The following MECOM variants were observed in gnomAD, a reference collection of about 807,000 sequenced individuals.
MECOM encodes the protein MDS1 and EVI1 complex locus.
In MECOM, 13 loss-of-function variants were observed where a neutral mutation model predicts 116.3. That is an observed-to-expected ratio of 0.11 (90% CI 0.07 to 0.18). The LOEUF is 0.18. Ranked by LOEUF, MECOM falls within the 10% of genes least tolerant of loss-of-function variation. The pLI, the probability that MECOM is intolerant of heterozygous loss-of-function variation, is 1.00. For synonymous variants in MECOM, 528 were observed against 535.2 expected (o/e 0.99, Z 0.19); for missense variants, 1,299 against 1,509.0 (o/e 0.86, Z 2.31).
intron 7 of MECOM, 118 bp downstream of exon 7, chr3:169,120,938 A>G (rs1337242543): frequency 9.8e-6 from 10 of 1,022,396 alleles, no homozygotes; most frequent in African/African-American, 1.6e-5. Context: ...ACTGGATTGG[A>G]CCATAAATAG....
chr3:169,597,818 A>C (rs568590257), intron 1 of MECOM, among the ~76,000 whole-genome samples: 1 of 152,302 alleles, frequency 6.6e-6, no homozygotes, highest in African/African-American at 2.4e-5. Flanking sequence ...CCTGTCCCAG[A>C]ATAATGAAAT....
chr3:169,275,024 A>C (rs1253300694), intron 2 of MECOM, among the ~76,000 whole-genome samples: 1 of 152,256 alleles, frequency 6.6e-6, no homozygotes, highest in East Asian at 1.9e-4. Context: ...AATCTCTTCC[A>C]GAAAACAGGT....
chr3:169,595,045 G>C (rs10513678), intron 1 of MECOM, among the ~76,000 whole-genome samples: 17,046 of 152,090 alleles, frequency 0.11, 1,281 homozygotes, highest in East Asian at 0.22. Context: ...CCAGTTGCTT[G>C]AATAAAATGG....
chr3:169,604,313 C>T (rs569117007), intron 1 of MECOM, among the ~76,000 whole-genome samples: 1 of 151,840 alleles, frequency 6.6e-6, no homozygotes, highest in Admixed American at 6.6e-5. Flanking sequence ...TACACATACT[C>T]ACTAGCTCCC....
intron 1 of MECOM, among the ~76,000 whole-genome samples, chr3:169,602,447 A>AAT (rs1204554009): frequency 6.6e-6 from 1 of 152,158 alleles, no homozygotes; most frequent in Non-Finnish European, 1.5e-5. Context: ...TTTATCCACC[A>AAT]ATATCAGATT....
chr3:169,138,120 A>G (rs1309880049), intron 3 of MECOM, among the ~76,000 whole-genome samples: 1 of 152,082 alleles, frequency 6.6e-6, no homozygotes, highest in Non-Finnish European at 1.5e-5. Context: ...CCAAAACATT[A>G]TCCTCCTTCA....
At chr3:169,568,416 T>A (rs1763499847) in intron 1 of MECOM, among the ~76,000 whole-genome samples, 1 of 150,800 alleles carries the variant, frequency 6.6e-6, no homozygotes, top group African/African-American at 2.4e-5. Flanking sequence ...AGCCAAGTGG[T>A]CTGGCTCAGC....
rs1222437951 is a variant in MECOM at position 169,610,502 on chromosome 3, T to TGC, written c.37+52833_37+52834insGC. Among the ~76,000 whole-genome samples the TGC allele has an allele frequency of 1.4e-3, 159 of 115,166 alleles. No individual in the cohort carries two copies. In the Middle Eastern group the frequency reaches 0.017, roughly 12 times the overall value. 75.6% of individuals were successfully genotyped at this position (115,166 alleles called of 152,430 possible). The stretch of plus-strand genomic sequence containing the variant: ...AATGATATATATGTAATGTTACGTG[T>TGC]GTGTGTGTGTGTGTGTGTGTGTGTG... On this transcript the variant is annotated intron_variant, in intron 1 of 16. Coordinates refer to ENST00000651503, the MANE Select transcript of MECOM (RefSeq NM_004991.4).
intron 1 of MECOM, among the ~76,000 whole-genome samples, chr3:169,449,350 C>G (rs1469327832): frequency 6.6e-6 from 1 of 152,174 alleles, no homozygotes; most frequent in Non-Finnish European, 1.5e-5. Context: ...ATTTTTTACA[C>G]TGACTGCCAA....
intron 1 of MECOM, among the ~76,000 whole-genome samples, chr3:169,493,423 A>G (rs1163359478): frequency 6.6e-6 from 1 of 152,154 alleles, no homozygotes; most frequent in Non-Finnish European, 1.5e-5. Context: ...CCCACCAGTA[A>G]CAAAACCACA....
At chr3:169,402,887 A>G (rs1055672301) in intron 1 of MECOM, among the ~76,000 whole-genome samples, 1 of 152,126 alleles carries the variant, frequency 6.6e-6, no homozygotes, top group African/African-American at 2.4e-5. Context: ...TTCCTTGCTC[A>G]GTGTTGCCTG....
chr3:169,571,481 G>C (rs1560446560), intron 1 of MECOM, among the ~76,000 whole-genome samples: 1 of 152,048 alleles, frequency 6.6e-6, no homozygotes, highest in African/African-American at 2.4e-5. Context: ...CACAGAATAA[G>C]AAAAAACTAC....
chr3:169,317,601 A>G lies in MECOM; in HGVS notation c.375+63586T>C, dbSNP rs1315817007. On this transcript the variant is annotated intron_variant, in intron 2 of 16. Coordinates refer to ENST00000651503, the MANE Select transcript of MECOM (RefSeq NM_004991.4). ...CCTGGTTTATTTTACTGAAATCCAG[A>G]AACTCACTACTTACATAGCAACAGC... Among the ~76,000 whole-genome samples the G allele has an allele frequency of 2.0e-5, 3 of 152,342 alleles. No individual in the cohort carries two copies. In the South Asian group the frequency reaches 6.2e-4, roughly 32 times the overall value.
intron 1 of MECOM, among the ~76,000 whole-genome samples, chr3:169,575,079 C>T (rs1252453846): frequency 6.6e-6 from 1 of 152,110 alleles, no homozygotes; most frequent in Non-Finnish European, 1.5e-5. Flanking sequence ...AAAAAACTTA[C>T]ACTTGGCCTT....
At chr3:169,365,283 A>G (rs1728977981) in intron 2 of MECOM, among the ~76,000 whole-genome samples, 1 of 152,094 alleles carries the variant, frequency 6.6e-6, no homozygotes, top group Admixed American at 6.6e-5. Flanking sequence ...CAAAAGGATA[A>G]CAGACGTAAA....
At chr3:169,501,722 A>G (rs892404970) in intron 1 of MECOM, among the ~76,000 whole-genome samples, 3 of 152,116 alleles carry the variant, frequency 2.0e-5, no homozygotes, top group South Asian at 2.1e-4. Context: ...GAATTCATTC[A>G]CTTTTGGCTC....
intron 1 of MECOM, among the ~76,000 whole-genome samples, chr3:169,451,638 A>T (rs1745618110): frequency 6.6e-6 from 1 of 152,156 alleles, no homozygotes; most frequent in Non-Finnish European, 1.5e-5. Context: ...GGTCTCAATG[A>T]GCAATGTTAT....
In MECOM at chr3:169,247,970, A is replaced by G. The variant is rs76953188; in HGVS notation, c.376-104138T>C. ...GCTGACTTTTGCCCAGTGAACCTACATAGCTGCTCCATTTCTTCATCTCTA... is the reference window on the plus strand; with the variant it reads ...GCTGACTTTTGCCCAGTGAACCTACGTAGCTGCTCCATTTCTTCATCTCTA... On this transcript the variant is annotated intron_variant, in intron 2 of 16. Transcript: ENST00000651503. Among the ~76,000 whole-genome samples, 99 of 152,340 alleles carry G rather than the reference A, an allele frequency of 6.5e-4. No homozygotes were observed. The East Asian group carries it at 0.018, about 28-fold the overall frequency.
At chr3:169,354,745 C>G (rs1324430101) in intron 2 of MECOM, among the ~76,000 whole-genome samples, 3 of 151,834 alleles carry the variant, frequency 2.0e-5, no homozygotes, top group Non-Finnish European at 4.4e-5. Flanking sequence ...CATGAAAATA[C>G]AGCTGTATAT....
Sources: allele counts gnomAD v4.1 joint callset (sites outside exome capture counted in the v4.1 genomes callset), GRCh38; gene constraint gnomAD v4.1.1; transcripts MANE v1.5; gene names NCBI Gene and HGNC (gene_info 2026-07-23, HGNC 2026-07-21).